The following POLG variants were observed in gnomAD, a reference collection of about 807,000 sequenced individuals.
The protein encoded by POLG is DNA polymerase gamma, catalytic subunit.
A neutral mutation model predicts 155.4 loss-of-function variants in POLG; 110 were observed. The ratio of observed to expected loss-of-function variants is 0.71; its 90% CI spans 0.61 to 0.83. The LOEUF is 0.83. Among genes scored for constraint, POLG ranks in the 40% least tolerant of loss-of-function variants. The probability of loss-of-function intolerance (pLI) is 0.00; values close to 1 mark genes in which losing one functional copy is unlikely to be tolerated. For missense variants in POLG, 1,685 were observed against 1,627.5 expected (o/e 1.04, Z -0.61); for synonymous variants, 701 against 631.5 (o/e 1.11, Z -1.65).
intron 13 of POLG, among the ~76,000 whole-genome samples, 161 bp from the exon 14 acceptor site, chr15:89,323,063 A>G (rs539498483): frequency 4.6e-5 from 7 of 151,728 alleles, no homozygotes; most frequent in East Asian, 1.9e-4. Flanking sequence ...GCGCACGCAC[A>G]CACACACGTG....
intron 6 of POLG, 89 bp downstream of exon 6, chr15:89,328,367 G>A: frequency 2.0e-6 from 2 of 1,015,792 alleles, no homozygotes; most frequent in South Asian, 1.3e-5. Context: ...TCCCCAACCT[G>A]AGATAGAACC....
In POLG at chr15:89,327,259, C is replaced by G; in HGVS notation, c.1341G>C (p.Glu447Asp). The change falls in exon 7 of 23, where the codon GAG becomes GAC. Residue 447 changes from glutamate (E) to aspartate (D), a missense_variant. Glu to Asp is a conservative substitution (Grantham distance 45). Coordinates refer to ENST00000268124, the MANE Select transcript of POLG (RefSeq NM_002693.3). ...VNQNWERYLAEAQGTYEELQR... is the reference protein window; with the variant it reads ...VNQNWERYLADAQGTYEELQR... ...GGAGCTCCTCATAAGTGCCCTGTGC[C>G]TCTGCCAGGTAACGCTCCCAGTTCT... The G allele has an allele frequency of 6.2e-7, 1 of 1,614,196 alleles. No individual in the cohort carries two copies. The highest frequency in any genetic ancestry group is 8.5e-7 in the Non-Finnish European group (1 of 1,180,012).
chr15:89,328,636 TA>T (rs1174254712), intron 5 of POLG, 48 bp downstream of exon 5: 1 of 1,612,768 alleles, frequency 6.2e-7, no homozygotes, highest in African/African-American at 1.3e-5. Flanking sequence ...CAAGTGCAGC[TA>T]GGGGTGTGCC....
rs1201164812 is a variant in POLG, at chr15:89,328,467, G to A, written c.1239C>T (p.Leu413=). The A allele has an allele frequency of 3.7e-6, 6 of 1,613,424 alleles. No homozygotes were observed. The change falls in exon 6 of 23, where the codon CTC becomes CTT. Residue 413 remains leucine, a synonymous_variant. Coordinates refer to ENST00000268124, the MANE Select transcript of POLG (RefSeq NM_002693.3). The part of the protein sequence containing the change: ...THEVFQQQLP[L]FLERCPHPVT... Reference sequence around the variant, plus strand: ...GGGCTCCCCCTCACCTCTCCAAGAAGAGCGGTAGCTGCTGCTGGAAAACCT... The same window carrying A: ...GGGCTCCCCCTCACCTCTCCAAGAAAAGCGGTAGCTGCTGCTGGAAAACCT...
Position 89,321,863 on chromosome 15 carries a change from T to C in POLG, c.2481-10A>G. ...ATCATAGTCGGGGTGCCTGGTGGGG[T>C]GCAGGGGAAGGAAATGGGTCTTAGC... On this transcript the variant is annotated splice_polypyrimidine_tract_variant and intron_variant, in intron 15 of 22. Transcript: ENST00000268124. The C allele has an allele frequency of 1.2e-6, 2 of 1,611,798 alleles. No homozygotes were observed. Among genetic ancestry groups the C allele is most frequent in the Non-Finnish European group, 1.7e-6 (2 of 1,178,090 alleles).
intron 10 of POLG, among the ~76,000 whole-genome samples, chr15:89,325,127 TGAGAGA>T (rs369647518): frequency 5.2e-5 from 2 of 38,206 alleles, no homozygotes; most frequent in Admixed American, 2.9e-4. Context: ...AGTGAGTGAG[TGAGAGA>T]GTGAGTGAGA....
chr15:89,319,212 CAAA>C lies in POLG; in HGVS notation c.3104+13_3104+15del. ...CAGACCCCTCCCTCCATCCTTAACA[CAAA>C]GAAGGTTCTTACTTCCTTGCAGTTT... On this transcript the variant is annotated intron_variant, in intron 19 of 22. Coordinates refer to ENST00000268124, the MANE Select transcript of POLG (RefSeq NM_002693.3). The C allele has an allele frequency of 6.2e-7, 1 of 1,614,072 alleles. No individual in the cohort carries two copies. Among genetic ancestry groups the C allele is most frequent in the East Asian group, 2.2e-5 (1 of 44,888 alleles).
rs1386876930 is a variant in POLG, at chr15:89,325,097, TGAGAGAGTGA to T, written c.1949+343_1949+352del. The stretch of plus-strand genomic sequence containing the variant: ...GTGAGTGAGTGAGAGAGTGAGTGAG[TGAGAGAGTGA>T]GAGAGAGTGAGTGAGTGAGTGAGAG... On this transcript the variant is annotated intron_variant, in intron 10 of 22. Coordinates refer to ENST00000268124, the MANE Select transcript of POLG (RefSeq NM_002693.3). Among the ~76,000 whole-genome samples the T allele has an allele frequency of 9.4e-4, 33 of 35,226 alleles. 8 individuals carry two copies. The highest frequency in any genetic ancestry group is 4.2e-3 in the African/African-American group (28 of 6,674). 23.1% of individuals were successfully genotyped at this position (35,226 alleles called of 152,430 possible).
In POLG at chr15:89,322,769, A is replaced by C; in HGVS notation, c.2399T>G (p.Phe800Cys). The C allele has an allele frequency of 6.2e-7, 1 of 1,614,136 alleles. No individual in the cohort carries two copies. The highest frequency in any genetic ancestry group is 8.5e-7 in the Non-Finnish European group (1 of 1,180,008). The part of the protein sequence containing the change: ...RALEINKMIS[F>C]WRNAHKRISS... ...GATACGTTTATGGGCGTTCCTCCAG[A>C]AAGAAATCATTTTGTTGATTTCCAG... The change falls in exon 14 of 23, where the codon TTC becomes TGC. Residue 800 changes from phenylalanine to cysteine, a missense_variant. Transcript: ENST00000268124.
intron 1 of POLG, 56 bp from the exon 2 acceptor site, chr15:89,333,969 C>A (rs947542927): frequency 2.0e-5 from 12 of 602,126 alleles, no homozygotes; most frequent in South Asian, 5.9e-5. Context: ...ATAGGTGTAT[C>A]CATAATCATC....
chr15:89,322,245 G>A (rs1054236810), intron 14 of POLG, among the ~76,000 whole-genome samples: 15 of 152,190 alleles, frequency 9.9e-5, no homozygotes, highest in South Asian at 2.1e-4. Context: ...GCGAGCTTCC[G>A]CTCCTCTCCG....
chr15:89,329,910 C>T (rs1266357686), intron 3 of POLG, among the ~76,000 whole-genome samples, 171 bp downstream of exon 3: 1 of 152,202 alleles, frequency 6.6e-6, no homozygotes, highest in Non-Finnish European at 1.5e-5. Flanking sequence ...CGGGGACATA[C>T]AACAGCTAGG....
rs887518740 is a variant in POLG at position 89,328,373 on chromosome 15, G to T, written c.1250+83C>A. On this transcript the variant is annotated intron_variant, in intron 6 of 22. Transcript: ENST00000268124. ...AAGCTAAGGTCCCCAACCTGAGATAGAACCAGCGCCACCTGATTACAGTGG... is the reference window on the plus strand; with the variant it reads ...AAGCTAAGGTCCCCAACCTGAGATATAACCAGCGCCACCTGATTACAGTGG... The T allele has an allele frequency of 8.3e-6, 9 of 1,085,842 alleles. No homozygotes were observed. In the African/African-American group the frequency reaches 9.3e-5, roughly 11 times the overall value. The allele number at this position is 1,085,842 out of a possible 1,614,324, so 67.3% of individuals were successfully genotyped here.
At chr15:89,317,956 T>A (rs1443494418) in intron 21 of POLG, 1 of 311,352 alleles carries the variant, frequency 3.2e-6, no homozygotes, top group African/African-American at 2.2e-5. Context: ...TCAGGATAGA[T>A]CATGGTTCCC....
intron 10 of POLG, among the ~76,000 whole-genome samples, chr15:89,325,158 GT>G: frequency 2.0e-5 from 2 of 102,260 alleles, no homozygotes; most frequent in Admixed American, 9.3e-5. Context: ...GAGTGAGTGA[GT>G]GAGTGAGTGA....
At chr15:89,317,143 TG>T (rs1176533350) in intron 22 of POLG, 2 of 601,676 alleles carry the variant, frequency 3.3e-6, no homozygotes, top group Non-Finnish European at 5.9e-6. Flanking sequence ...CTTCTGTGGT[TG>T]AAGTAGGGGA....
chr15:89,318,762 G>C lies in POLG; in HGVS notation c.3274-13C>G, dbSNP rs1425728409. ...GGCTGGTCATAAACTGGGAAGGGAA[G>C]GTGGGCAGAGGTGAAAGGGGCTATG... On this transcript the variant is annotated splice_polypyrimidine_tract_variant and intron_variant, in intron 20 of 22. Coordinates refer to ENST00000268124, the MANE Select transcript of POLG (RefSeq NM_002693.3). 1 of 1,610,634 alleles carries C rather than the reference G, an allele frequency of 6.2e-7. No individual in the cohort carries two copies. Among genetic ancestry groups the C allele is most frequent in the Non-Finnish European group, 8.5e-7 (1 of 1,177,152 alleles).
In POLG at chr15:89,333,518, G is replaced by A. The variant is rs774537232; in HGVS notation, c.237C>T (p.Leu79=). 2.5e-6 allele frequency: 4 copies of A among 1,612,728 alleles called. No homozygotes were observed. The highest frequency in any genetic ancestry group is 3.3e-5 in the Admixed American group (2 of 59,994). Residue 79 remains leucine, a synonymous_variant, in exon 2 of 23, where the codon CTC becomes CTT. Coordinates refer to ENST00000268124, the MANE Select transcript of POLG (RefSeq NM_002693.3). The part of the protein sequence containing the change: ...LRHNPLDIQM[L]SRGLHEQIFG... ...AGATTTGCTCGTGCAGCCCTCTCGA[G>A]AGCATCTGGATGTCCAATGGGTTGT...
chr15:89,317,654 C>CTGT, intron 21 of POLG, 118 bp from the exon 22 acceptor site: 1 of 976,598 alleles, frequency 1.0e-6, no homozygotes, highest in East Asian at 2.4e-5. Flanking sequence ...AACACCCCAT[C>CTGT]TGTTCACTTA....
Sources: allele counts gnomAD v4.1 joint callset (sites outside exome capture counted in the v4.1 genomes callset), GRCh38; gene constraint gnomAD v4.1.1; transcripts MANE v1.5; gene names NCBI Gene and HGNC (gene_info 2026-07-23, HGNC 2026-07-21).